MYPN: variants seen among roughly 807,000 people sequenced by gnomAD.
The protein encoded by MYPN is sarcomeric protein myopalladin, 145 kDa (MYOP).
MYPN carries 63 observed loss-of-function variants against 129.4 expected under a neutral mutation model. That is an observed-to-expected ratio of 0.49 (90% CI 0.40 to 0.60). The LOEUF is 0.60. Ranked by LOEUF, MYPN falls within the 20% of genes least tolerant of loss-of-function variation. The probability of loss-of-function intolerance (pLI) is 0.00; values close to 1 mark genes in which losing one functional copy is unlikely to be tolerated. For missense variants in MYPN, 1,596 were observed against 1,635.4 expected (o/e 0.98, Z 0.42); for synonymous variants, 629 against 600.9 (o/e 1.05, Z -0.68).
Position 68,126,587 on chromosome 10 carries a change from G to A in MYPN, c.902+4247G>A, listed in dbSNP as rs2042329736. Among the ~76,000 whole-genome samples the A allele has an allele frequency of 5.9e-5, 9 of 152,292 alleles. No individual in the cohort carries two copies. The South Asian group carries it at 1.9e-3, about 32-fold the overall frequency. ...AGGTGTGGTAGGAACGAGGAGGAAG[G>A]ATGTCAGCGAGCAATGTTTAGAAGA... On this transcript the variant is annotated intron_variant, in intron 2 of 19. Transcript: ENST00000358913.
chr10:68,175,527 C>T, intron 12 of MYPN, 66 bp downstream of exon 12: 1 of 1,572,954 alleles, frequency 6.4e-7, no homozygotes, highest in Non-Finnish European at 8.7e-7. Context: ...TTGCTTGATT[C>T]AGTCCTCGGA....
At chr10:68,105,813 G>C (rs1467272408), upstream of MYPN, among the ~76,000 whole-genome samples, 1 of 152,162 alleles carries the variant, frequency 6.6e-6, no homozygotes, top group Admixed American at 6.5e-5. Context: ...TGCATCCTGT[G>C]TATAGATATC....
intron 8 of MYPN, among the ~76,000 whole-genome samples, chr10:68,163,941 A>G (rs2043016915): frequency 6.6e-6 from 1 of 152,208 alleles, no homozygotes; most frequent in Admixed American, 6.5e-5. Flanking sequence ...TAACAAGAAT[A>G]GAGTTAGCTT....
intron 17 of MYPN, among the ~76,000 whole-genome samples, 169 bp from the exon 18 acceptor site, chr10:68,201,660 C>T (rs574140026): frequency 1.9e-4 from 29 of 151,914 alleles, no homozygotes; most frequent in African/African-American, 4.1e-4. Flanking sequence ...CCCAGCTACT[C>T]GGGAGACTGA....
chr10:68,162,125 G>A, intron 8 of MYPN: 1 of 140,522 alleles, frequency 7.1e-6, no homozygotes, highest in Non-Finnish European at 1.4e-5. Context: ...CCGAGATCGT[G>A]ACACTACAGT....
At chr10:68,137,849 A>G (rs182991040) in intron 2 of MYPN, among the ~76,000 whole-genome samples, 1 of 152,142 alleles carries the variant, frequency 6.6e-6, no homozygotes, top group Non-Finnish European at 1.5e-5. Flanking sequence ...TAATTTGTCT[A>G]TCATTTGTTC....
intron 2 of MYPN, among the ~76,000 whole-genome samples, chr10:68,139,647 G>T (rs2042543339): frequency 6.6e-6 from 1 of 152,156 alleles, no homozygotes; most frequent in African/African-American, 2.4e-5. Flanking sequence ...TATGCTTTGG[G>T]AGATTTATGA....
intron 2 of MYPN, among the ~76,000 whole-genome samples, chr10:68,129,323 A>G (rs1360630340): frequency 1.3e-5 from 2 of 152,192 alleles, no homozygotes; most frequent in Non-Finnish European, 2.9e-5. Flanking sequence ...AATATTAGTA[A>G]CTTTTACATG....
intron 10 of MYPN, among the ~76,000 whole-genome samples, chr10:68,171,954 T>C (rs1367085019): frequency 1.3e-5 from 2 of 152,248 alleles, no homozygotes; most frequent in African/African-American, 4.8e-5. Context: ...TGATACAGTA[T>C]CTCAAGTTGG....
Position 68,202,381 on chromosome 10 carries a change from T to C in MYPN, c.3659+387T>C, listed in dbSNP as rs565989333. 4.0e-4 allele frequency among the ~76,000 whole-genome samples: 60 copies of C among 151,560 alleles called. 1 individual carries two copies. In the South Asian group the frequency reaches 0.012, roughly 31 times the overall value. Reference sequence around the variant, plus strand: ...CTGGGAGGCGGAACTTGCAGTGAGCTGAGATTGCGCCACGGGACTCCAGCC... The same window carrying C: ...CTGGGAGGCGGAACTTGCAGTGAGCCGAGATTGCGCCACGGGACTCCAGCC... On this transcript the variant is annotated intron_variant, in intron 18 of 19. Transcript: ENST00000358913.
chr10:68,174,677 TTGA>T, intron 11 of MYPN, 21 bp downstream of exon 11: 1 of 1,608,862 alleles, frequency 6.2e-7, no homozygotes, highest in African/African-American at 1.3e-5. Flanking sequence ...TTGAGGTTTC[TTGA>T]TGTAAGATGC....
chr10:68,187,373 G>A (rs1014517393), intron 12 of MYPN, among the ~76,000 whole-genome samples: 2 of 151,216 alleles, frequency 1.3e-5, no homozygotes, highest in Middle Eastern at 3.2e-3. Flanking sequence ...GTTTTATATA[G>A]TATACAATAA....
intron 6 of MYPN, among the ~76,000 whole-genome samples, chr10:68,156,855 C>A (rs2042883761): frequency 6.6e-6 from 1 of 152,198 alleles, no homozygotes; most frequent in Non-Finnish European, 1.5e-5. Flanking sequence ...AATAGAAATC[C>A]ATGCAGCATT....
intron 10 of MYPN, among the ~76,000 whole-genome samples, chr10:68,168,259 G>A (rs1201181937): frequency 6.6e-6 from 1 of 152,148 alleles, no homozygotes; most frequent in Non-Finnish European, 1.5e-5. Context: ...TCAACTGTTA[G>A]AGGATTTATG....
chr10:68,155,351 A>G lies in MYPN; in HGVS notation c.1318-3135A>G, dbSNP rs554866549. ...AAGAAGACAAGCTTCCCAAGTCTCTATGTTGTCAAGTCACCCTACAAAGAA... is the reference window on the plus strand; with the variant it reads ...AAGAAGACAAGCTTCCCAAGTCTCTGTGTTGTCAAGTCACCCTACAAAGAA... On this transcript the variant is annotated intron_variant, in intron 6 of 19. Coordinates refer to ENST00000358913, the MANE Select transcript of MYPN (RefSeq NM_032578.4). Among the ~76,000 whole-genome samples, 8 of 152,302 alleles carry G rather than the reference A, an allele frequency of 5.3e-5. No homozygotes were observed. The East Asian group carries it at 1.5e-3, about 29-fold the overall frequency.
At position 68,165,696 on chromosome 10, in the gene MYPN, A is replaced by G. The variant is rs753428586; in HGVS notation, c.1484-6A>G. 9 of 1,607,946 alleles carry G rather than the reference A, an allele frequency of 5.6e-6. No individual in the cohort carries two copies. The South Asian group carries it at 7.7e-5, about 14-fold the overall frequency. On this transcript the variant is annotated splice_region_variant and splice_polypyrimidine_tract_variant and intron_variant, in intron 8 of 19. Transcript: ENST00000358913. Reference sequence around the variant, plus strand: ...TCAGTAACCATTCTGTTTCACTGGCATATAGAGGAGATTTGCACCTTGGTC... The same window carrying G: ...TCAGTAACCATTCTGTTTCACTGGCGTATAGAGGAGATTTGCACCTTGGTC...
intron 16 of MYPN, 52 bp downstream of exon 16, chr10:68,197,530 G>A (rs959303260): frequency 1.2e-6 from 2 of 1,601,940 alleles, no homozygotes; most frequent in Non-Finnish European, 1.7e-6. Context: ...TTTTGTATTT[G>A]TTTGCATTCA....
At chr10:68,197,652 A>T (rs1268910131) in intron 16 of MYPN, among the ~76,000 whole-genome samples, 174 bp downstream of exon 16, 5 of 151,720 alleles carry the variant, frequency 3.3e-5, no homozygotes, top group Non-Finnish European at 7.4e-5. Context: ...TTAATGTCAG[A>T]TGAAATTATT....
In MYPN at chr10:68,182,349, CAT is replaced by C. The variant is rs1305989844; in HGVS notation, c.2704-6548_2704-6547del. 3.1e-4 allele frequency among the ~76,000 whole-genome samples: 29 copies of C among 92,164 alleles called. 2 individuals carry two copies. Among genetic ancestry groups the C allele is most frequent in the East Asian group, 1.4e-3 (5 of 3,668 alleles). 60.5% of individuals were successfully genotyped at this position (92,164 alleles called of 152,430 possible). The stretch of plus-strand genomic sequence containing the variant: ...ATATATATAACACACACATATATAA[CAT>C]ATATATAACACATATATATAACATA... On this transcript the variant is annotated intron_variant, in intron 12 of 19. Coordinates refer to ENST00000358913, the MANE Select transcript of MYPN (RefSeq NM_032578.4).
Sources: gnomAD v4.1 joint callset for allele counts (sites outside exome capture counted in the v4.1 genomes callset) on GRCh38, gnomAD v4.1.1 for gene constraint, MANE v1.5 for transcripts, NCBI Gene and HGNC (gene_info 2026-07-23, HGNC 2026-07-21) for gene names.